MCM6: variants seen among roughly 807,000 people sequenced by gnomAD.
The protein encoded by MCM6 is minichromosome maintenance complex component 6, also known as DNA replication licensing factor MCM6.
MCM6 carries 46 observed loss-of-function variants against 94.3 expected under a neutral mutation model. The ratio of observed to expected loss-of-function variants is 0.49; its 90% CI spans 0.39 to 0.62. The LOEUF (loss-of-function observed/expected upper bound fraction) is 0.62, where lower values mean the gene tolerates loss of function less well. MCM6 is among the 20% of genes least tolerant of loss of function. MCM6 has a pLI of 0.00. For synonymous variants in MCM6, 335 were observed against 351.9 expected (o/e 0.95, Z 0.54); for missense variants, 865 against 1,017.9 (o/e 0.85, Z 2.04).
rs3087350 is a variant in MCM6, at chr2:135,840,746, C to T, written c.*89G>A. The T allele has an allele frequency of 0.024, 20,483 of 851,178 alleles. 352 individuals are homozygous for T. Among genetic ancestry groups the T allele is most frequent in the East Asian group, 0.054 (2,201 of 40,994 alleles). 52.7% of individuals were successfully genotyped at this position (851,178 alleles called of 1,614,324 possible). ...CCTGGAAGCATCACTTCCAGAAACA[C>T]TTCTGTCCCTAGCAGAGCTCCAGCC... On this transcript the variant is annotated 3_prime_UTR_variant, in exon 17 of 17. Coordinates refer to ENST00000264156, the MANE Select transcript of MCM6 (RefSeq NM_005915.6).
chr2:135,871,476 T>C (rs778344597), intron 2 of MCM6, among the ~76,000 whole-genome samples: 1 of 152,252 alleles, frequency 6.6e-6, no homozygotes, highest in Non-Finnish European at 1.5e-5. Context: ...TGAACGAGAC[T>C]GTGCCTCCTT....
chr2:135,841,202 T>C (rs1446557831), intron 16 of MCM6, among the ~76,000 whole-genome samples: 2 of 152,196 alleles, frequency 1.3e-5, no homozygotes, highest in Non-Finnish European at 2.9e-5. Context: ...TTAAATATAT[T>C]ACATCAAATG....
At chr2:135,855,832 C>A (rs923134160) in intron 11 of MCM6, among the ~76,000 whole-genome samples, 3 of 152,070 alleles carry the variant, frequency 2.0e-5, no homozygotes, top group Non-Finnish European at 4.4e-5. Context: ...ATATTAGTTC[C>A]TACAAACTGT....
intron 7 of MCM6, 46 bp from the exon 8 acceptor site, chr2:135,862,794 G>C (rs760975529): frequency 6.3e-7 from 1 of 1,598,914 alleles, no homozygotes; most frequent in Non-Finnish European, 8.6e-7. Flanking sequence ...TTTTCAACAT[G>C]AAGTTAAACA....
Position 135,859,359 on chromosome 2 carries a change from C to T in MCM6, c.1304G>A (p.Arg435Lys). The T allele has an allele frequency of 6.2e-7, 1 of 1,613,700 alleles. No homozygotes were observed. The highest frequency in any genetic ancestry group is 8.5e-7 in the Non-Finnish European group (1 of 1,179,586). ...GACAAACTCATGAGATTCTTCATCT[C>T]TCACAACAGCTGCTGTTAAGCCAGC... ...SAAGLTAAVV[R>K]DEESHEFVIE... is the part of the protein sequence containing the mutation. Residue 435 changes from arginine to lysine, a missense_variant, in exon 9 of 17, where the codon AGA becomes AAA. Transcript: ENST00000264156.
chr2:135,872,351 C>T (rs908551775), intron 2 of MCM6, among the ~76,000 whole-genome samples: 2 of 152,004 alleles, frequency 1.3e-5, no homozygotes, highest in African/African-American at 2.4e-5. Context: ...GGGAGGCTGA[C>T]GCAGAAGAAT....
intron 11 of MCM6, among the ~76,000 whole-genome samples, chr2:135,856,093 AAAAAT>A (rs140196197): frequency 0.017 from 2,609 of 152,286 alleles, 83 homozygotes; most frequent in African/African-American, 0.059. Context: ...AAGGTGACTG[AAAAAT>A]AAAATAAAAG....
At chr2:135,850,601 G>A (rs1679762664) in intron 13 of MCM6, among the ~76,000 whole-genome samples, 1 of 152,148 alleles carries the variant, frequency 6.6e-6, no homozygotes, top group Admixed American at 6.5e-5. Context: ...TGAAAATTTA[G>A]TGGAAAAAAG....
intron 12 of MCM6, 40 bp from the exon 13 acceptor site, chr2:135,851,603 T>C: frequency 6.5e-7 from 1 of 1,539,074 alleles, no homozygotes. Context: ...AACATTTCTA[T>C]TTGATGAGAG....
rs192347641 is a variant in MCM6, at chr2:135,839,884, G to A, written c.*951C>T. ...ACTCATGGGTATTAGACTGTCCCAC[G>A]TGGGCCTTAGCCTCAGACAGTTATT... On this transcript the variant is annotated 3_prime_UTR_variant, in exon 17 of 17. Transcript: ENST00000264156. 6.6e-6 allele frequency: 1 copy of A among 152,272 alleles called. No individual in the cohort carries two copies. The highest frequency in any genetic ancestry group is 6.5e-5 in the Admixed American group (1 of 15,292). 9.4% of individuals were successfully genotyped at this position (152,272 alleles called of 1,614,324 possible).
chr2:135,874,479 T>C (rs1680260927), intron 1 of MCM6, among the ~76,000 whole-genome samples: 1 of 152,196 alleles, frequency 6.6e-6, no homozygotes, highest in Admixed American at 6.5e-5. Flanking sequence ...TGGTTTTAAG[T>C]ATACCAAAAT....
chr2:135,863,093 C>G (rs1667810529), intron 7 of MCM6, among the ~76,000 whole-genome samples: 1 of 152,208 alleles, frequency 6.6e-6, no homozygotes, highest in African/African-American at 2.4e-5. Context: ...CTATGTCCAC[C>G]AAGGCCTACC....
At position 135,876,250 on chromosome 2, in the gene MCM6, C is replaced by G. The variant is rs1237573483; in HGVS notation, c.107+9G>C. On this transcript the variant is annotated intron_variant, in intron 1 of 16. Transcript: ENST00000264156. ...AGGCGGGCGAGGCCCGGGGCGCTCG[C>G]CGACTTACTCCTCCAAGAAGTCCAG... 6.3e-7 allele frequency: 1 copy of G among 1,589,502 alleles called. No homozygotes were observed. The highest frequency in any genetic ancestry group is 1.8e-5 in the Admixed American group (1 of 57,014).
At chr2:135,858,094 G>T in intron 9 of MCM6, 90 bp from the exon 10 acceptor site, 1 of 1,192,554 alleles carries the variant, frequency 8.4e-7, no homozygotes, top group Non-Finnish European at 1.2e-6. Flanking sequence ...GGAGGCCAAG[G>T]CAGGAAGAAC....
chr2:135,845,455 G>A (rs1024018852), intron 15 of MCM6, among the ~76,000 whole-genome samples: 1 of 152,178 alleles, frequency 6.6e-6, no homozygotes, highest in Non-Finnish European at 1.5e-5. Flanking sequence ...AAGCTGAGGC[G>A]TCCTAGTGGC....
At chr2:135,853,971 A>G (rs1679823365) in intron 11 of MCM6, among the ~76,000 whole-genome samples, 1 of 152,230 alleles carries the variant, frequency 6.6e-6, no homozygotes, top group Admixed American at 6.5e-5. Context: ...TCATGCCTGT[A>G]ATCCTAGCAC....
chr2:135,854,099 C>T (rs1679827448), intron 11 of MCM6, among the ~76,000 whole-genome samples: 2 of 152,278 alleles, frequency 1.3e-5, no homozygotes, highest in Admixed American at 1.3e-4. Context: ...TGGGGGCCTG[C>T]ACCTGTAGTT....
In MCM6 at chr2:135,846,250, T is replaced by A. The variant is rs1679668706; in HGVS notation, c.2196A>T (p.Arg732Ser). 1 of 1,614,004 alleles carries A rather than the reference T, an allele frequency of 6.2e-7. No homozygotes were observed. Among genetic ancestry groups the A allele is most frequent in the Middle Eastern group, 1.7e-4 (1 of 6,022 alleles). ...GGTAAGCCTCACCTTCTTCCACCTTTCTGAGGTGAAGCACAATAAGGTTAG... is the reference window on the plus strand; with the variant it reads ...GGTAAGCCTCACCTTCTTCCACCTTACTGAGGTGAAGCACAATAAGGTTAG... ...RISNLIVLHL[R>S]KVEEEEDESA... Residue 732 changes from arginine to serine, a missense_variant, in exon 15 of 17, where the codon AGA (arginine) becomes AGT (serine). Arg to Ser is a moderately radical substitution (Grantham distance 110). Around this residue, in one of 3 missense-constraint regions of MCM6, gnomAD observed 308 missense variants for 324.5 expected, o/e 0.95. Transcript: ENST00000264156.
At position 135,858,024 on chromosome 2, in the gene MCM6, G is replaced by A. The variant is rs773177028; in HGVS notation, c.1363-20C>T. ...CACACCCTGTAACCAAACAAATCAA[G>A]CCTAAGAAGCTGTCTTTCAAGCTGG... On this transcript the variant is annotated intron_variant, in intron 9 of 16. Coordinates refer to ENST00000264156, the MANE Select transcript of MCM6 (RefSeq NM_005915.6). The A allele has an allele frequency of 1.9e-6, 3 of 1,604,370 alleles. No homozygotes were observed. Among genetic ancestry groups the A allele is most frequent in the Non-Finnish European group, 2.6e-6 (3 of 1,172,224 alleles).
Sources: allele counts gnomAD v4.1 joint callset (sites outside exome capture counted in the v4.1 genomes callset), GRCh38; gene constraint gnomAD v4.1.1; regional missense constraint gnomAD v4.1.1; transcripts MANE v1.5; gene names NCBI Gene and HGNC (gene_info 2026-07-23, HGNC 2026-07-21).